Variants in NSRP1 observed in about 807,000 individuals in gnomAD.
NSRP1 encodes nuclear speckle splicing regulatory protein 1.
A neutral mutation model predicts 54.7 loss-of-function variants in NSRP1; 24 were observed. The ratio of observed to expected loss-of-function variants is 0.44; its 90% confidence interval spans 0.32 to 0.62. The LOEUF is 0.62. Ranked by LOEUF, NSRP1 falls within the 20% of genes least tolerant of loss-of-function variation. NSRP1 has a pLI of 0.06. For synonymous variants in NSRP1, 210 were observed against 213.8 expected (o/e 0.98, Z 0.15); for missense variants, 596 against 651.2 (o/e 0.92, Z 0.92).
At chr17:30,144,263 A>G (rs78070335) in intron 2 of NSRP1, 1 of 140,350 alleles carries the variant, frequency 7.1e-6, no homozygotes, top group Admixed American at 7.3e-5. Context: ...TATTATTATT[A>G]TTATTATTTT....
chr17:30,124,268 T>G (rs955988437), intron 2 of NSRP1, among the ~76,000 whole-genome samples: 6 of 152,068 alleles, frequency 3.9e-5, no homozygotes, highest in East Asian at 1.9e-4. Flanking sequence ...GTCTCTAAAA[T>G]AAAAAGAAAA....
intron 5 of NSRP1, among the ~76,000 whole-genome samples, chr17:30,180,292 GAT>G (rs1466090705): frequency 6.6e-6 from 1 of 152,128 alleles, no homozygotes; most frequent in East Asian, 1.9e-4. Flanking sequence ...AAGTAGCTGG[GAT>G]TACAGGCATG....
At chr17:30,173,673 A>G (rs959640266) in intron 3 of NSRP1, among the ~76,000 whole-genome samples, 3 of 152,222 alleles carry the variant, frequency 2.0e-5, no homozygotes, top group South Asian at 2.1e-4. Flanking sequence ...ATGATCTTTA[A>G]TTCTTACAAT....
At chr17:30,119,603 A>G (rs536174552) in intron 2 of NSRP1, among the ~76,000 whole-genome samples, 26 of 150,512 alleles carry the variant, frequency 1.7e-4, no homozygotes, top group Admixed American at 5.3e-4. Flanking sequence ...CCTGGGTTCA[A>G]GCGTTTCTCC....
intron 5 of NSRP1, among the ~76,000 whole-genome samples, chr17:30,179,656 A>AT (rs1438100705): frequency 6.6e-6 from 1 of 152,078 alleles, no homozygotes; most frequent in Non-Finnish European, 1.5e-5. Context: ...CCCTAGTTAC[A>AT]TTTTTTTGGG....
rs527339598 is a variant in NSRP1 at position 30,145,712 on chromosome 17, A to G, written c.115-26830A>G. On this transcript the variant is annotated intron_variant, in intron 2 of 6. Coordinates refer to ENST00000247026, the MANE Select transcript of NSRP1 (RefSeq NM_032141.4). ...TTATTTACTTTTTTTTTTGGAGACA[A>G]TTTTTACAGTACCATCCACAAATAG... 1.2e-3 allele frequency among the ~76,000 whole-genome samples: 185 copies of G among 151,474 alleles called. 1 individual carries two copies. The highest frequency in any genetic ancestry group is 4.2e-3 in the African/African-American group (173 of 41,248).
At position 30,172,014 on chromosome 17, in the gene NSRP1, T is replaced by TCTCTCTCTCTCA. The variant is rs144705088; in HGVS notation, c.115-527_115-526insTCTCTCTCTCAC. 1.4e-3 allele frequency among the ~76,000 whole-genome samples: 178 copies of TCTCTCTCTCTCA among 131,156 alleles called. 2 individuals carry two copies. The highest frequency in any genetic ancestry group is 8.1e-3 in the Middle Eastern group (2 of 248). The allele number at this position is 131,156 out of a possible 152,430, so 86.0% of individuals were successfully genotyped here. On this transcript the variant is annotated intron_variant, in intron 2 of 6. Transcript: ENST00000247026. ...CTCTCTCTCTCTCTCTCTCTCTCTC[T>TCTCTCTCTCTCA]CACATGTTCACATGAAGCAAATTGA...
chr17:30,159,250 T>G (rs1379501757), intron 2 of NSRP1, among the ~76,000 whole-genome samples: 2 of 152,188 alleles, frequency 1.3e-5, no homozygotes, highest in African/African-American at 4.8e-5. Flanking sequence ...CTTGATTTCT[T>G]TTTCCTCTAG....
At chr17:30,136,861 C>A (rs1425127917) in intron 2 of NSRP1, among the ~76,000 whole-genome samples, 3 of 152,142 alleles carry the variant, frequency 2.0e-5, no homozygotes, top group Non-Finnish European at 4.4e-5. Flanking sequence ...ATTATACACA[C>A]ACACATTTGT....
chr17:30,178,016 TG>T, intron 3 of NSRP1, 54 bp from the exon 4 acceptor site: 1 of 1,563,086 alleles, frequency 6.4e-7, no homozygotes, highest in South Asian at 1.1e-5. Flanking sequence ...GCATAGACTT[TG>T]TTGTATCTAT....
At chr17:30,131,551 A>AC (rs1007395616) in intron 2 of NSRP1, among the ~76,000 whole-genome samples, 18 of 151,742 alleles carry the variant, frequency 1.2e-4, no homozygotes, top group African/African-American at 4.1e-4. Flanking sequence ...TTATAGCTAA[A>AC]AAAATGCCTA....
At chr17:30,180,629 A>G (rs1905261512) in intron 5 of NSRP1, among the ~76,000 whole-genome samples, 1 of 152,204 alleles carries the variant, frequency 6.6e-6, no homozygotes, top group African/African-American at 2.4e-5. Context: ...GATCATATTC[A>G]TACTTTAGGG....
intron 2 of NSRP1, among the ~76,000 whole-genome samples, chr17:30,144,338 G>A (rs1020020137): frequency 1.3e-5 from 2 of 150,244 alleles, no homozygotes; most frequent in African/African-American, 4.9e-5. Flanking sequence ...TTGGCCCTCT[G>A]CAACCTCTGC....
chr17:30,157,417 C>A (rs980814429), intron 2 of NSRP1, among the ~76,000 whole-genome samples: 6 of 152,100 alleles, frequency 3.9e-5, no homozygotes, highest in African/African-American at 1.4e-4. Context: ...TTGGGGTATC[C>A]ATCACCTAGA....
chr17:30,181,111 A>G (rs1905277648), intron 6 of NSRP1, 95 bp downstream of exon 6: 5 of 796,278 alleles, frequency 6.3e-6, no homozygotes, highest in South Asian at 1.4e-5. Flanking sequence ...GGAAGATTAC[A>G]ACATTGCATA....
chr17:30,177,475 TAGA>T (rs1424579809), intron 3 of NSRP1, among the ~76,000 whole-genome samples: 2 of 151,966 alleles, frequency 1.3e-5, no homozygotes, highest in African/African-American at 4.8e-5. Flanking sequence ...AATGGGCTCA[TAGA>T]AGAAGTAGGG....
rs1287585524 is a variant in NSRP1 at position 30,185,451 on chromosome 17, AC to A, written c.1456del (p.Gln486LysfsTer35). 2 of 1,608,906 alleles carry A rather than the reference AC, an allele frequency of 1.2e-6. No individual in the cohort carries two copies. The highest frequency in any genetic ancestry group is 1.7e-5 in the Admixed American group (1 of 58,666). ...MRNMAKDKERNQEKPSNSESS... is the reference protein window; with the variant it reads ...MRNMAKDKERXQEKPSNSESS... Reference sequence around the variant, plus strand: ...AACATGGCAAAGGACAAAGAAAGAAACCAAGAGAAACCCTCTAATTCTGAAT... The same window carrying A: ...AACATGGCAAAGGACAAAGAAAGAAACAAGAGAAACCCTCTAATTCTGAAT... On this transcript the variant is annotated frameshift_variant, in exon 7 of 7. Coordinates refer to ENST00000247026, the MANE Select transcript of NSRP1 (RefSeq NM_032141.4). LOFTEE classifies it high-confidence loss of function.
chr17:30,180,306 AC>A (rs894618027), intron 5 of NSRP1, among the ~76,000 whole-genome samples: 14 of 151,948 alleles, frequency 9.2e-5, no homozygotes, highest in African/African-American at 3.4e-4. Flanking sequence ...ACAGGCATGC[AC>A]CACCACACCT....
chr17:30,171,303 C>CTTTTTTTTTTTTTTTTTTTTT (rs34039932), intron 2 of NSRP1, among the ~76,000 whole-genome samples: 1 of 108,368 alleles, frequency 9.2e-6, no homozygotes. Flanking sequence ...TTGTAATTGT[C>CTTTTTTTTTTTTTTTTTTTTT]TTTTTTTTTT....
Sources: allele counts gnomAD v4.1 joint callset (sites outside exome capture counted in the v4.1 genomes callset), GRCh38; gene constraint gnomAD v4.1.1; transcripts MANE v1.5; gene names NCBI Gene and HGNC (gene_info 2026-07-23, HGNC 2026-07-21).